The following WDR7 variants were observed in gnomAD, a reference collection of about 807,000 sequenced individuals.
WDR7 encodes the protein WD repeat-containing protein 7.
Under a neutral mutation model 169.4 loss-of-function variants are expected in WDR7, and 46 were observed. The observed-to-expected ratio is 0.27, with a 90% CI of 0.21 to 0.35. WDR7 has a LOEUF of 0.35. WDR7 is among the 10% of genes least tolerant of loss of function. The probability of loss-of-function intolerance (pLI) is 1.00; values close to 1 mark genes in which losing one functional copy is unlikely to be tolerated. For synonymous variants in WDR7, 612 were observed against 666.8 expected, an observed-to-expected ratio of 0.92 and a Z score of 1.27; for missense variants, 1,534 against 1,859.3, an observed-to-expected ratio of 0.83 and a Z score of 3.22.
intron 1 of WDR7, among the ~76,000 whole-genome samples, chr18:56,669,498 G>T (rs2025089100): frequency 6.6e-6 from 1 of 152,026 alleles, no homozygotes; most frequent in African/African-American, 2.4e-5. Context: ...CTTTAAGCCA[G>T]ATTTTGATAC....
chr18:56,883,557 G>A (rs2046143329), intron 21 of WDR7, among the ~76,000 whole-genome samples: 1 of 150,058 alleles, frequency 6.7e-6, no homozygotes, highest in African/African-American at 2.5e-5. Context: ...GTGTTGTTTG[G>A]TTACATGAAT....
In WDR7 at chr18:56,776,823, T is replaced by G; in HGVS notation, c.2890T>G (p.Ser964Ala). 6.2e-7 allele frequency: 1 copy of G among 1,613,842 alleles called. No individual in the cohort carries two copies. Among genetic ancestry groups the G allele is most frequent in the Non-Finnish European group, 8.5e-7 (1 of 1,179,822 alleles). The change falls in exon 17 of 28, where the codon TCT (serine) becomes GCT (alanine). Residue 964 changes from serine to alanine, a missense_variant. Coordinates refer to ENST00000254442, the MANE Select transcript of WDR7 (RefSeq NM_015285.3). The stretch of plus-strand genomic sequence containing the variant: ...TTCCGCTCGGTCTGATGCTGATCAC[T>G]CTGGCTCTGACCCTCCTTCTGCTCC... ...VVSARSDADH[S>A]GSDPPSAPAL...
intron 20 of WDR7, chr18:56,872,597 A>C (rs1255433102): frequency 6.6e-6 from 1 of 152,202 alleles, no homozygotes; most frequent in Non-Finnish European, 1.5e-5. Flanking sequence ...GAGACCACGT[A>C]TCATTTTCAC....
chr18:56,815,927 G>A, intron 19 of WDR7, 104 bp from the exon 20 acceptor site: 1 of 854,874 alleles, frequency 1.2e-6, no homozygotes, highest in Non-Finnish European at 1.8e-6. Context: ...ATTTTTTAAT[G>A]TATTGTGTTT....
At chr18:56,930,180 A>G (rs1040181366) in intron 22 of WDR7, among the ~76,000 whole-genome samples, 3 of 152,226 alleles carry the variant, frequency 2.0e-5, no homozygotes, top group Non-Finnish European at 2.9e-5. Context: ...AGAGAAGCAT[A>G]AAGTCACTGG....
chr18:56,958,922 T>A (rs1208819524), intron 25 of WDR7, among the ~76,000 whole-genome samples: 1 of 152,182 alleles, frequency 6.6e-6, no homozygotes, highest in Non-Finnish European at 1.5e-5. Flanking sequence ...ACCATATTTA[T>A]GTATTCATGC....
At position 56,936,659 on chromosome 18, in the gene WDR7, G is replaced by T. The variant is rs143108199; in HGVS notation, c.3831+754G>T. On this transcript the variant is annotated intron_variant, in intron 23 of 27. Transcript: ENST00000254442. ...CTATTCAGATAAACTGAAACCTACTGGGCCTATGTCTGCCCCAGAGCTATC... is the reference window on the plus strand; with the variant it reads ...CTATTCAGATAAACTGAAACCTACTTGGCCTATGTCTGCCCCAGAGCTATC... Among the ~76,000 whole-genome samples, 31 of 152,178 alleles carry T rather than the reference G, an allele frequency of 2.0e-4. No homozygotes were observed. In the East Asian group the frequency reaches 5.6e-3, roughly 27 times the overall value.
chr18:56,854,783 G>A (rs1335389682), intron 20 of WDR7, among the ~76,000 whole-genome samples: 1 of 152,158 alleles, frequency 6.6e-6, no homozygotes, highest in Non-Finnish European at 1.5e-5. Context: ...GACAGGAAGG[G>A]TGAGGAAGCA....
At chr18:56,848,747 G>A (rs183775224) in intron 20 of WDR7, among the ~76,000 whole-genome samples, 28 of 152,032 alleles carry the variant, frequency 1.8e-4, no homozygotes, top group Admixed American at 3.3e-4. Context: ...CTCCTTGCTC[G>A]CTCTTTCTCT....
At chr18:56,889,585 A>G (rs1323611789) in intron 21 of WDR7, among the ~76,000 whole-genome samples, 4 of 152,248 alleles carry the variant, frequency 2.6e-5, no homozygotes, top group Non-Finnish European at 5.9e-5. Flanking sequence ...TGTGCAGACA[A>G]TAAATTGAGG....
intron 1 of WDR7, among the ~76,000 whole-genome samples, chr18:56,659,728 GAA>G (rs1426317550): frequency 6.6e-6 from 1 of 152,192 alleles, no homozygotes; most frequent in Non-Finnish European, 1.5e-5. Context: ...AGAGCAGATG[GAA>G]AAGAGTAAGC....
At chr18:56,765,189 C>T (rs1055518521) in intron 16 of WDR7, among the ~76,000 whole-genome samples, 10 of 151,810 alleles carry the variant, frequency 6.6e-5, no homozygotes, top group African/African-American at 2.2e-4. Context: ...TTTTTTAATC[C>T]AATCTGACCT....
intron 21 of WDR7, among the ~76,000 whole-genome samples, chr18:56,900,066 G>A (rs867769691): frequency 0.013 from 1,688 of 130,200 alleles, 40 homozygotes; most frequent in African/African-American, 0.044. Context: ...ATATATATAT[G>A]TGTGTGTGTG....
intron 25 of WDR7, among the ~76,000 whole-genome samples, chr18:56,956,099 G>A (rs896531746): frequency 6.6e-6 from 1 of 152,162 alleles, no homozygotes; most frequent in Non-Finnish European, 1.5e-5. Flanking sequence ...TATTTACAGT[G>A]TGCAAAACCT....
chr18:56,958,062 A>G (rs1251911384), intron 25 of WDR7, among the ~76,000 whole-genome samples: 3 of 152,170 alleles, frequency 2.0e-5, no homozygotes, highest in Non-Finnish European at 4.4e-5. Flanking sequence ...AAGTTCATCA[A>G]TCCAAGGGAA....
At chr18:56,942,569 C>T (rs1356339456) in intron 25 of WDR7, among the ~76,000 whole-genome samples, 3 of 152,056 alleles carry the variant, frequency 2.0e-5, no homozygotes, top group Non-Finnish European at 4.4e-5. Flanking sequence ...GTATGTAGAT[C>T]TCAACTTTAT....
intron 26 of WDR7, among the ~76,000 whole-genome samples, chr18:56,987,900 TATC>T (rs1460256768): frequency 1.3e-5 from 2 of 152,240 alleles, no homozygotes; most frequent in African/African-American, 4.8e-5. Context: ...AATTTCATGT[TATC>T]ATTAATTTCT....
intron 19 of WDR7, among the ~76,000 whole-genome samples, chr18:56,782,620 G>A (rs1184477010): frequency 6.6e-6 from 1 of 151,934 alleles, no homozygotes; most frequent in Non-Finnish European, 1.5e-5. Context: ...GGTTTTAGGT[G>A]GACTCATTTT....
chr18:57,026,362 T>C (rs1029636028), intron 27 of WDR7, among the ~76,000 whole-genome samples: 2 of 152,226 alleles, frequency 1.3e-5, no homozygotes, highest in Non-Finnish European at 2.9e-5. Flanking sequence ...CTTAGTATGA[T>C]AGCAAAACAG....
Sources: gnomAD v4.1 joint callset for allele counts (sites outside exome capture counted in the v4.1 genomes callset) on GRCh38, gnomAD v4.1.1 for gene constraint, MANE v1.5 for transcripts, NCBI Gene and HGNC (gene_info 2026-07-23, HGNC 2026-07-21) for gene names.